Variants in CPAMD8 observed in about 807,000 individuals in gnomAD.
The protein encoded by CPAMD8 is C3 and PZP-like alpha-2-macroglobulin domain-containing protein 8.
In CPAMD8, 146 loss-of-function variants were observed where a neutral mutation model predicts 224.7. That is an observed-to-expected ratio of 0.65 (90% CI 0.57 to 0.75). The LOEUF (loss-of-function observed/expected upper bound fraction) is 0.75. CPAMD8 is among the 30% of genes least tolerant of loss of function. CPAMD8 has a pLI of 0.00. For missense variants in CPAMD8, 2,301 were observed against 2,537.5 expected (o/e 0.91, Z 2.00); for synonymous variants, 966 against 1,044.6 (o/e 0.92, Z 1.45).
intron 25 of CPAMD8, among the ~76,000 whole-genome samples, chr19:16,927,026 C>T (rs2053388202): frequency 6.6e-6 from 1 of 152,080 alleles, no homozygotes; most frequent in Non-Finnish European, 1.5e-5. Flanking sequence ...CCCTCTCCTC[C>T]CTGACTCAGG....
intron 12 of CPAMD8, among the ~76,000 whole-genome samples, chr19:16,991,182 G>A (rs540132896): frequency 3.6e-4 from 55 of 152,242 alleles, no homozygotes; most frequent in African/African-American, 1.3e-3. Context: ...TACATATCCT[G>A]GTTCTGTGCA....
chr19:16,910,294 C>T (rs2052676635), intron 29 of CPAMD8, among the ~76,000 whole-genome samples: 3 of 151,954 alleles, frequency 2.0e-5, no homozygotes, highest in South Asian at 2.1e-4. Context: ...CTCAGCCTCC[C>T]GAGTAGCTGG....
In CPAMD8 at chr19:17,026,555, C is replaced by A; in HGVS notation, c.88G>T (p.Ala30Ser). The A allele has an allele frequency of 1.3e-6, 2 of 1,520,216 alleles. No homozygotes were observed. The highest frequency in any genetic ancestry group is 1.4e-5 in the African/African-American group (1 of 70,122). 94.2% of individuals were successfully genotyped at this position (1,520,216 alleles called of 1,614,324 possible). A position where few individuals can be genotyped will look rare whatever the true frequency, so the allele number is the denominator to read the frequency against. ...CTGTCGCCGGAGGATACTCACGGGGCCTGAGGCTGCGCGGCGCGCACGCCG... is the reference window on the plus strand; with the variant it reads ...CTGTCGCCGGAGGATACTCACGGGGACTGAGGCTGCGCGGCGCGCACGCCG... ...RDGVRAAQPQ[A>S]PGYLIAAPSV... Residue 30 changes from alanine (A) to serine (S), a missense_variant, in exon 1 of 42, where the codon GCC becomes TCC. Around this residue, in one of 4 missense-constraint regions of CPAMD8, gnomAD observed 283 missense variants for 340.6 expected, o/e 0.83. Coordinates refer to ENST00000443236, the MANE Select transcript of CPAMD8 (RefSeq NM_015692.5).
At chr19:17,011,334 C>A in intron 5 of CPAMD8, 130 bp downstream of exon 5, 1 of 1,071,158 alleles carries the variant, frequency 9.3e-7, no homozygotes. Context: ...CTCCGGGGGA[C>A]ATGAAACAAC....
intron 12 of CPAMD8, among the ~76,000 whole-genome samples, chr19:16,991,583 G>A (rs922198685): frequency 7.2e-5 from 11 of 152,086 alleles, no homozygotes; most frequent in African/African-American, 1.4e-4. Context: ...GGCCGGGTAC[G>A]GTGGCTCACA....
chr19:16,985,450 AGATGGATG>A (rs199636699), intron 13 of CPAMD8, among the ~76,000 whole-genome samples: 1 of 134,880 alleles, frequency 7.4e-6, no homozygotes, highest in Non-Finnish European at 1.6e-5. Context: ...GAGAGAGGGT[AGATGGATG>A]GATGGATGGA....
chr19:16,914,886 G>GAATGGTCAGCCCCCA, intron 27 of CPAMD8, 73 bp from the exon 28 acceptor site: 1 of 1,142,648 alleles, frequency 8.8e-7, no homozygotes, highest in Non-Finnish European at 1.2e-6. Context: ...AGGGATTGCA[G>GAATGGTCAGCCCCCA]CAAGCTCCTG....
chr19:17,002,901 TTTTCTTTTC>T (rs1419679105), intron 8 of CPAMD8, among the ~76,000 whole-genome samples: 1 of 123,882 alleles, frequency 8.1e-6, no homozygotes, highest in Non-Finnish European at 1.7e-5. Flanking sequence ...TTTTCTTTTC[TTTTCTTTTC>T]TTTTTTTTTT....
At chr19:16,986,689 G>C (rs1325231542) in intron 13 of CPAMD8, among the ~76,000 whole-genome samples, 1 of 152,064 alleles carries the variant, frequency 6.6e-6, no homozygotes, top group African/African-American at 2.4e-5. Flanking sequence ...GGCTGGTAGG[G>C]CCCTGGGCGC....
intron 41 of CPAMD8, chr19:16,894,346 T>C (rs1172473439): frequency 2.2e-6 from 1 of 451,524 alleles, no homozygotes; most frequent in East Asian, 7.0e-5. Flanking sequence ...CCACCCACCA[T>C]ACAGAGTCAC....
chr19:17,014,209 G>A (rs2056750759), intron 3 of CPAMD8, among the ~76,000 whole-genome samples: 1 of 151,824 alleles, frequency 6.6e-6, no homozygotes, highest in African/African-American at 2.4e-5. Flanking sequence ...GCACCACCAT[G>A]CCCAGCTAAT....
rs367916283 is a variant in CPAMD8, at chr19:16,976,019, G to A, written c.1891C>T (p.Arg631Trp). The change falls in exon 16 of 42, where the codon CGG becomes TGG. Residue 631 changes from arginine (R) to tryptophan (W), a missense_variant. Coordinates refer to ENST00000443236, the MANE Select transcript of CPAMD8 (RefSeq NM_015692.5). ...CTGCTCACCTGGGCAGGAGTCAGCC[G>A]GAACCCAGACCTGAGCAGGTAGACA... Reference protein sequence around the residue: ...KSVYLLRSGFRLTPAQVFQEL... With the variant: ...KSVYLLRSGFWLTPAQVFQEL... 67 of 1,596,100 alleles carry A rather than the reference G, an allele frequency of 4.2e-5. No homozygotes were observed. The highest frequency in any genetic ancestry group is 8.1e-5 in the African/African-American group (6 of 74,218).
intron 9 of CPAMD8, among the ~76,000 whole-genome samples, chr19:17,001,102 A>G (rs1393406339): frequency 6.6e-6 from 1 of 152,036 alleles, no homozygotes. Context: ...TGGGCAGATC[A>G]CTTGAGGTCA....
intron 1 of CPAMD8, among the ~76,000 whole-genome samples, chr19:17,026,169 C>T (rs1409828915): frequency 2.0e-5 from 3 of 152,188 alleles, no homozygotes; most frequent in African/African-American, 7.2e-5. Flanking sequence ...CTTCCTCCTC[C>T]CTCACCACGC....
rs1599720388 is a variant in CPAMD8 at position 16,928,818 on chromosome 19, G to A, written c.3144+124C>T. The A allele has an allele frequency of 7.0e-6, 5 of 711,450 alleles. No individual in the cohort carries two copies. The East Asian group carries it at 1.1e-4, about 15-fold the overall frequency. The allele number at this position is 711,450 out of a possible 1,614,324, so 44.1% of individuals were successfully genotyped here. A position where few individuals can be genotyped will look rare whatever the true frequency, so the allele number is the denominator to read the frequency against. Reference sequence around the variant, plus strand: ...GACTCTAGACTAAGAACAACTTGAGGTGGTGCTCCATGTTTCCCTTGCTCC... The same window carrying A: ...GACTCTAGACTAAGAACAACTTGAGATGGTGCTCCATGTTTCCCTTGCTCC... On this transcript the variant is annotated intron_variant, in intron 24 of 41. Transcript: ENST00000443236.
chr19:16,913,771 C>T (rs1034063159), intron 29 of CPAMD8, among the ~76,000 whole-genome samples: 3 of 152,160 alleles, frequency 2.0e-5, no homozygotes, highest in Non-Finnish European at 4.4e-5. Flanking sequence ...CACTAGTTGT[C>T]TGGATTGTGA....
Position 16,897,918 on chromosome 19 carries a change from G to C in CPAMD8, c.4925C>G (p.Pro1642Arg), listed in dbSNP as rs1409371772. The change falls in exon 38 of 42, where the codon CCA becomes CGA. Residue 1642 changes from proline to arginine, a missense_variant. Physicochemically the swap from Pro to Arg is moderately radical, Grantham distance 103 (BLOSUM62 -2). Around this residue, in one of 4 missense-constraint regions of CPAMD8, gnomAD observed 1,709 missense variants for 1,753.2 expected, o/e 0.97. Coordinates refer to ENST00000443236, the MANE Select transcript of CPAMD8 (RefSeq NM_015692.5). ...ECVVGRTSAL[P>R]VSVYDYYEPA... Reference sequence around the variant, plus strand: ...TTCGTAGTAGTCGTACACGGAGACTGGCAGCGCCGACGTCCTGCCCACCAC... The same window carrying C: ...TTCGTAGTAGTCGTACACGGAGACTCGCAGCGCCGACGTCCTGCCCACCAC... 1 of 1,610,708 alleles carries C rather than the reference G, an allele frequency of 6.2e-7. No homozygotes were observed. Among genetic ancestry groups the C allele is most frequent in the South Asian group, 1.1e-5 (1 of 90,896 alleles).
intron 22 of CPAMD8, among the ~76,000 whole-genome samples, chr19:16,940,350 T>G (rs1386265324): frequency 6.6e-6 from 1 of 152,190 alleles, no homozygotes; most frequent in Non-Finnish European, 1.5e-5. Context: ...ATTCTATGTA[T>G]GTAGGGGGTG....
Position 16,898,026 on chromosome 19 carries a change from C to G in CPAMD8, c.4849-32G>C. On this transcript the variant is annotated intron_variant, in intron 37 of 41. Coordinates refer to ENST00000443236, the MANE Select transcript of CPAMD8 (RefSeq NM_015692.5). The surrounding 1 kb of genome is among the most constrained non-coding windows in gnomAD (Gnocchi z 4.2). ...GGCAGCGGCGGGCGCAGGCTCGACC[C>G]GGGCCAGGAGGCCCGGGGCGCTGAG... The G allele has an allele frequency of 6.4e-7, 1 of 1,559,334 alleles. No homozygotes were observed. Among genetic ancestry groups the G allele is most frequent in the Non-Finnish European group, 8.7e-7 (1 of 1,146,394 alleles).
Sources: allele counts gnomAD v4.1 joint callset (sites outside exome capture counted in the v4.1 genomes callset), GRCh38; gene constraint gnomAD v4.1.1; regional missense constraint gnomAD v4.1.1; non-coding constraint Gnocchi (gnomAD v3.1); transcripts MANE v1.5; gene names NCBI Gene and HGNC (gene_info 2026-07-23, HGNC 2026-07-21).